Variants in SHOC1 observed in about 807,000 individuals in gnomAD.
SHOC1 encodes the protein shortage in chiasmata 1.
Under a neutral mutation model 179.2 loss-of-function variants are expected in SHOC1, and 136 were observed. The observed-to-expected ratio is 0.76, with a 90% confidence interval of 0.66 to 0.87. The LOEUF (loss-of-function observed/expected upper bound fraction) is 0.87. SHOC1 is among the 40% of genes least tolerant of loss of function. The probability of loss-of-function intolerance (pLI) is 0.00; values close to 1 mark genes in which losing one functional copy is unlikely to be tolerated. For synonymous variants in SHOC1, 489 were observed against 586.6 expected (o/e 0.83, Z 2.41); for missense variants, 1,538 against 1,700.8 (o/e 0.90, Z 1.68).
At chr9:111,781,832 A>C (rs1400516751) in intron 3 of SHOC1, among the ~76,000 whole-genome samples, 1 of 152,180 alleles carries the variant, frequency 6.6e-6, no homozygotes, top group African/African-American at 2.4e-5. Context: ...TACTACTGTC[A>C]GAATATACAA....
intron 5 of SHOC1, among the ~76,000 whole-genome samples, chr9:111,771,291 C>G (rs749673746): frequency 2.6e-5 from 4 of 152,064 alleles, no homozygotes; most frequent in Non-Finnish European, 4.4e-5. Flanking sequence ...AAGACAAACA[C>G]ACATACACAC....
In SHOC1 at chr9:111,727,946, T is replaced by C. The variant is rs773016293; in HGVS notation, c.1521A>G (p.Lys507=). 10 of 1,613,280 alleles carry C rather than the reference T, an allele frequency of 6.2e-6. No individual in the cohort carries two copies. Among genetic ancestry groups the C allele is most frequent in the African/African-American group, 1.3e-5 (1 of 74,892 alleles). The part of the protein sequence containing the change: ...SLPQKSPSLA[K]EVPDLCFSDD... ...CAGAAAAACATAGATCTGGTACTTC[T>C]TTTGCCAGAGATGGACTCTTTTGTG... is the stretch of plus-strand genomic sequence containing the variant. The change falls in exon 13 of 28, where the codon AAA becomes AAG. Residue 507 remains lysine, a synonymous_variant. Transcript: ENST00000682961.
At chr9:111,785,198 C>T (rs1419423089) in intron 3 of SHOC1, among the ~76,000 whole-genome samples, 1 of 152,170 alleles carries the variant, frequency 6.6e-6, no homozygotes, top group Non-Finnish European at 1.5e-5. Context: ...CAGGTCTCAA[C>T]TCAAATGTCC....
chr9:111,781,724 G>GTAAATAAATAAATAAATAAATAAA lies in SHOC1; in HGVS notation c.170-731_170-708dup, dbSNP rs58575917. Among the ~76,000 whole-genome samples, 353 of 135,134 alleles carry GTAAATAAATAAATAAATAAATAAA rather than the reference G, an allele frequency of 2.6e-3. 2 individuals are homozygous for GTAAATAAATAAATAAATAAATAAA. The highest frequency in any genetic ancestry group is 6.7e-3 in the African/African-American group (245 of 36,398). 88.7% of individuals were successfully genotyped at this position (135,134 alleles called of 152,430 possible). A position where few individuals can be genotyped will look rare whatever the true frequency, so the allele number is the denominator to read the frequency against. On this transcript the variant is annotated intron_variant, in intron 3 of 27. Transcript: ENST00000682961. ...GGCACCTGGGTGAGAGTGAGACTCT[G>GTAAATAAATAAATAAATAAATAAA]TAAATAAATAAATAAATAAATAAAT...
At chr9:111,751,699 A>G (rs1315715872) in intron 8 of SHOC1, among the ~76,000 whole-genome samples, 2 of 152,158 alleles carry the variant, frequency 1.3e-5, no homozygotes, top group Admixed American at 6.5e-5. Flanking sequence ...TATGTTTCAA[A>G]TGAGGTTATA....
chr9:111,727,607 C>T (rs953536), intron 13 of SHOC1, 26 bp downstream of exon 13: 848,684 of 1,527,950 alleles, frequency 0.56, 240,076 homozygotes, highest in East Asian at 0.89. Context: ...ACCATATCTA[C>T]GGCAAAATAT....
chr9:111,690,854 T>C (rs1439526082), intron 27 of SHOC1, among the ~76,000 whole-genome samples: 1 of 152,148 alleles, frequency 6.6e-6, no homozygotes, highest in East Asian at 1.9e-4. Flanking sequence ...CAAAAAAACC[T>C]ATGAAAAAGA....
chr9:111,737,869 A>G (rs972074458), intron 12 of SHOC1: 5 of 190,438 alleles, frequency 2.6e-5, no homozygotes, highest in African/African-American at 4.6e-5. Context: ...AAGATCCTCT[A>G]TTGTTAAAGA....
In SHOC1 at chr9:111,715,261, A is replaced by G. The variant is rs553686332; in HGVS notation, c.2237-638T>C. ...ATTTCACCAGAGTTACCACCAGAGC[A>G]CCTGGCATGGTAACTTATGTAGATC... On this transcript the variant is annotated intron_variant, in intron 16 of 27. Transcript: ENST00000682961. Among the ~76,000 whole-genome samples the G allele has an allele frequency of 1.1e-3, 166 of 152,346 alleles. 1 individual carries two copies. Among genetic ancestry groups the G allele is most frequent in the Middle Eastern group, 0.01 (3 of 294 alleles).
chr9:111,751,669 T>C (rs1441865977), intron 8 of SHOC1, among the ~76,000 whole-genome samples: 1 of 152,124 alleles, frequency 6.6e-6, no homozygotes, highest in African/African-American at 2.4e-5. Flanking sequence ...GCTAAGATCT[T>C]AGCTTTAATT....
chr9:111,779,888 C>T (rs1455058420), intron 4 of SHOC1, among the ~76,000 whole-genome samples: 6 of 152,188 alleles, frequency 3.9e-5, no homozygotes, highest in Non-Finnish European at 8.8e-5. Context: ...GTAAAATGAC[C>T]AGCAAAGTAG....
chr9:111,729,403 G>A (rs912647283), intron 12 of SHOC1, among the ~76,000 whole-genome samples: 5 of 152,134 alleles, frequency 3.3e-5, no homozygotes, highest in Non-Finnish European at 4.4e-5. Context: ...CACTGTGCCC[G>A]GCTAGGGGGT....
chr9:111,695,146 T>C (rs1156948934), intron 24 of SHOC1, among the ~76,000 whole-genome samples: 1 of 152,170 alleles, frequency 6.6e-6, no homozygotes, highest in Non-Finnish European at 1.5e-5. Flanking sequence ...CTTTTAAATT[T>C]GATTGAAGGA....
chr9:111,759,488 C>A (rs1835041873), intron 5 of SHOC1: 1 of 1,244,114 alleles, frequency 8.0e-7, no homozygotes, highest in South Asian at 3.6e-5. Context: ...CTCTCGGTCT[C>A]CACCCTGCCT....
Position 111,694,010 on chromosome 9 carries a change from A to G in SHOC1, c.3316-62T>C, listed in dbSNP as rs1214758474. ...TTTTGAAAGTGAGCCATTTTATTCT[A>G]CAAGTAAGTACATTTCTTCCTAGAA... On this transcript the variant is annotated intron_variant, in intron 25 of 27. Transcript: ENST00000682961. The G allele has an allele frequency of 3.7e-6, 5 of 1,347,148 alleles. No homozygotes were observed. The East Asian group carries it at 9.3e-5, about 25-fold the overall frequency. 83.4% of individuals were successfully genotyped at this position (1,347,148 alleles called of 1,614,324 possible).
intron 5 of SHOC1, among the ~76,000 whole-genome samples, chr9:111,769,985 T>TTTTTTTTTTTTTTTTTTTTTTTA (rs1835521357): frequency 3.7e-5 from 1 of 27,102 alleles, no homozygotes. Flanking sequence ...GTTTTTTTTT[T>TTTTTTTTTTTTTTTTTTTTTTTA]GTTTTTTTTT....
At chr9:111,718,366 A>C in intron 15 of SHOC1, 78 bp from the exon 16 acceptor site, 1 of 869,136 alleles carries the variant, frequency 1.2e-6, no homozygotes, top group Non-Finnish European at 1.7e-6. Context: ...CTGCCTAATA[A>C]TGGGAGCTAA....
chr9:111,790,577 C>A (rs1203111500), intron 2 of SHOC1, among the ~76,000 whole-genome samples: 1 of 152,070 alleles, frequency 6.6e-6, no homozygotes, highest in Non-Finnish European at 1.5e-5. Flanking sequence ...CGGAGTCTCA[C>A]TCTGTTGCCC....
chr9:111,748,006 A>G, intron 9 of SHOC1, 86 bp downstream of exon 9: 3 of 815,528 alleles, frequency 3.7e-6, no homozygotes, highest in South Asian at 3.5e-5. Context: ...ACTGACTCAC[A>G]GTACACTGTA....
Sources: allele counts gnomAD v4.1 joint callset (sites outside exome capture counted in the v4.1 genomes callset), GRCh38; gene constraint gnomAD v4.1.1; transcripts MANE v1.5; gene names NCBI Gene and HGNC (gene_info 2026-07-23, HGNC 2026-07-21).